Variants in MID1 observed in about 807,000 individuals in gnomAD.
MID1 encodes E3 ubiquitin-protein ligase Midline-1.
Under a neutral mutation model 40.4 loss-of-function variants are expected in MID1, and 7 were observed. The ratio of observed to expected loss-of-function variants is 0.17; its 90% confidence interval spans 0.10 to 0.33. The LOEUF is 0.33. Among genes scored for constraint, MID1 ranks in the 10% least tolerant of loss-of-function variants. The pLI is 1.00. For missense variants in MID1, 367 were observed against 558.5 expected, an observed-to-expected ratio of 0.66 and a Z score of 3.46; for synonymous variants, 229 against 221.2, an observed-to-expected ratio of 1.04 and a Z score of -0.31.
At chrX:10,463,426 A>G (rs1342658497) in intron 7 of MID1, among the ~76,000 whole-genome samples, 4 of 111,925 alleles carry the variant, frequency 3.6e-5, no homozygotes, top group Non-Finnish European at 7.5e-5. Flanking sequence ...ATATCTTCTC[A>G]TTTTCAGTAG....
Position 10,453,848 on chromosome X carries a change from A to C in MID1, c.1655+1022T>G, listed in dbSNP as rs548294440. Reference sequence around the variant, plus strand: ...CACCTGTGAGCTTTGTAACCCTGTGATCTTCAGCATATACCTCAGTCACCT... The same window carrying C: ...CACCTGTGAGCTTTGTAACCCTGTGCTCTTCAGCATATACCTCAGTCACCT... On this transcript the variant is annotated intron_variant, in intron 9 of 9. Coordinates refer to ENST00000317552, the MANE Select transcript of MID1 (RefSeq NM_000381.4). 2.7e-5 allele frequency among the ~76,000 whole-genome samples: 3 copies of C among 112,112 alleles called. No homozygotes were observed. The South Asian group carries it at 1.1e-3, about 42-fold the overall frequency.
At chrX:10,831,670 G>A (rs945069464) in intron 1 of MID1, among the ~76,000 whole-genome samples, 5 of 111,525 alleles carry the variant, frequency 4.5e-5, no homozygotes, top group African/African-American at 1.6e-4. Context: ...CTGAGGAGCC[G>A]GGGATGAGTA....
chrX:10,536,485 C>T (rs768155688), intron 2 of MID1, among the ~76,000 whole-genome samples: 2 of 112,568 alleles, frequency 1.8e-5, no homozygotes, highest in African/African-American at 6.5e-5. Flanking sequence ...ACATATACAA[C>T]GTGTTGCTAA....
chrX:10,559,313 C>G (rs1300586926), intron 2 of MID1, among the ~76,000 whole-genome samples: 1 of 111,956 alleles, frequency 8.9e-6, no homozygotes, highest in East Asian at 2.8e-4. Context: ...GCAGACTAAA[C>G]AAATGCTGCC....
chrX:10,780,548 A>C (rs1028003541), intron 1 of MID1, among the ~76,000 whole-genome samples: 8 of 112,068 alleles, frequency 7.1e-5, no homozygotes, highest in Non-Finnish European at 1.5e-4. Context: ...AAATCTTTTA[A>C]ATTGTTTTGG....
At chrX:10,672,107 C>A (rs1055181599) in intron 1 of MID1, among the ~76,000 whole-genome samples, 1 of 110,273 alleles carries the variant, frequency 9.1e-6, no homozygotes. Flanking sequence ...TGCCTATAGT[C>A]CCAGCTACTC....
At position 10,489,959 on chromosome X, in the gene MID1, T is replaced by C. The variant is rs574555353; in HGVS notation, c.864+5625A>G. The stretch of plus-strand genomic sequence containing the variant: ...ATCCGCCCGCCTCGGCTTCCCAAAG[T>C]GCTGGGATTATAGGTGTGAGCCACC... On this transcript the variant is annotated intron_variant, in intron 4 of 9. Transcript: ENST00000317552. Among the ~76,000 whole-genome samples, 136 of 111,731 alleles carry C rather than the reference T, an allele frequency of 1.2e-3. No homozygotes were observed. The Middle Eastern group carries it at 0.014, about 11-fold the overall frequency.
chrX:10,463,771 C>G (rs762625672), intron 7 of MID1, among the ~76,000 whole-genome samples: 1 of 112,142 alleles, frequency 8.9e-6, no homozygotes, highest in Non-Finnish European at 1.9e-5. Context: ...GAAACGGATT[C>G]GGAGGACATT....
At chrX:10,573,041 C>T (rs1934780956) in intron 1 of MID1, among the ~76,000 whole-genome samples, 1 of 112,504 alleles carries the variant, frequency 8.9e-6, no homozygotes, top group African/African-American at 3.2e-5. Context: ...GGAGAGTCTT[C>T]AGTGACAGAT....
In MID1 at chrX:10,563,508, G is replaced by A. The variant is rs769276038; in HGVS notation, c.660+3380C>T. On this transcript the variant is annotated intron_variant, in intron 2 of 9. Coordinates refer to ENST00000317552, the MANE Select transcript of MID1 (RefSeq NM_000381.4). The stretch of plus-strand genomic sequence containing the variant: ...TATATTAAATTCTCTTATATGTTAT[G>A]TGGTTCACAAATCAAATTTTTCCTC... Among the ~76,000 whole-genome samples, 10 of 112,161 alleles carry A rather than the reference G, an allele frequency of 8.9e-5. No individual in the cohort carries two copies. In the South Asian group the frequency reaches 3.7e-3, roughly 41 times the overall value.
intron 1 of MID1, among the ~76,000 whole-genome samples, chrX:10,634,534 C>T (rs893667817): frequency 3.7e-5 from 4 of 108,331 alleles, no homozygotes; most frequent in African/African-American, 1.0e-4. Flanking sequence ...GCTATGGATA[C>T]ATTTTTTTTT....
intron 1 of MID1, among the ~76,000 whole-genome samples, chrX:10,669,230 TAAA>T (rs761817483): frequency 0.093 from 4,350 of 46,906 alleles, 205 homozygotes; most frequent in African/African-American, 0.22. Context: ...CGTCTCAAAA[TAAA>T]AAAAAAAAAA....
At chrX:10,643,875 A>G (rs1166663256) in intron 1 of MID1, among the ~76,000 whole-genome samples, 1 of 111,702 alleles carries the variant, frequency 9.0e-6, no homozygotes, top group African/African-American at 3.3e-5. Context: ...TGAAGCTGGA[A>G]ACCATCATTC....
At chrX:10,822,808 A>G (rs1018375674) in intron 1 of MID1, among the ~76,000 whole-genome samples, 3 of 111,911 alleles carry the variant, frequency 2.7e-5, no homozygotes, top group African/African-American at 9.7e-5. Flanking sequence ...CAACTATTAA[A>G]CAGTCAAAGA....
intron 1 of MID1, among the ~76,000 whole-genome samples, chrX:10,776,788 A>C (rs988134728): frequency 8.9e-6 from 1 of 112,119 alleles, no homozygotes; most frequent in African/African-American, 3.2e-5. Context: ...TTTCTAAAAA[A>C]GTTTTAAAAA....
At chrX:10,701,226 C>T (rs1043098174) in intron 1 of MID1, among the ~76,000 whole-genome samples, 3 of 111,825 alleles carry the variant, frequency 2.7e-5, no homozygotes, top group African/African-American at 9.8e-5. Context: ...TACATCGCAA[C>T]CAGAACAGAT....
intron 1 of MID1, among the ~76,000 whole-genome samples, chrX:10,702,093 C>T (rs982106347): frequency 8.0e-5 from 9 of 112,687 alleles, no homozygotes; most frequent in African/African-American, 2.3e-4. Flanking sequence ...AAGAATATTT[C>T]TATCTTAAGG....
At chrX:10,654,846 C>G (rs374022660) in intron 1 of MID1, among the ~76,000 whole-genome samples, 1 of 112,327 alleles carries the variant, frequency 8.9e-6, no homozygotes, top group East Asian at 2.8e-4. Context: ...GCATGTGCTA[C>G]AGAAAACTCA....
At chrX:10,485,490 G>C (rs1930569139) in intron 4 of MID1, among the ~76,000 whole-genome samples, 1 of 112,034 alleles carries the variant, frequency 8.9e-6, no homozygotes, top group African/African-American at 3.2e-5. Context: ...ATATTTTCCA[G>C]TCAACTCTTC....
Sources: allele counts gnomAD v4.1 joint callset (sites outside exome capture counted in the v4.1 genomes callset), GRCh38; gene constraint gnomAD v4.1.1; transcripts MANE v1.5; gene names NCBI Gene and HGNC (gene_info 2026-07-23, HGNC 2026-07-21).